Variants in OAS3 observed in about 807,000 individuals in gnomAD.
OAS3 encodes the protein 2'-5'-oligoadenylate synthase 3.
A neutral mutation model predicts 113.0 loss-of-function variants in OAS3; 107 were observed. The ratio of observed to expected loss-of-function variants is 0.95; its 90% CI spans 0.81 to 1.11. The LOEUF (loss-of-function observed/expected upper bound fraction) is 1.11. Ranked by LOEUF, OAS3 falls within the 50% of genes most tolerant of loss-of-function variation. OAS3 has a pLI of 0.00. For missense variants in OAS3, 1,258 were observed against 1,389.1 expected (o/e 0.91, Z 1.50); for synonymous variants, 552 against 573.6 (o/e 0.96, Z 0.54).
chr12:112,947,618 A>G (rs558326430), intron 4 of OAS3, among the ~76,000 whole-genome samples: 6 of 152,320 alleles, frequency 3.9e-5, no homozygotes, highest in Admixed American at 3.9e-4. Context: ...CATCATAAAC[A>G]TTCTTGGACA....
rs772263085 is a variant in OAS3 at position 112,946,931 on chromosome 12, C to G, written c.825C>G (p.Phe275Leu). ...TTTTCTGGACTGTCAACTATGGCTT[C>G]GAGGACCCTGCAGTTGGGCAGTTCT... ...LCVFWTVNYG[F>L]EDPAVGQFLQ... is the part of the protein sequence containing the mutation. The change falls in exon 4 of 16, where the codon TTC becomes TTG. Residue 275 changes from phenylalanine (F) to leucine (L), a missense_variant. Transcript: ENST00000228928. 7.4e-6 allele frequency: 12 copies of G among 1,614,018 alleles called. No homozygotes were observed. The South Asian group carries it at 8.8e-5, about 12-fold the overall frequency.
Position 112,961,128 on chromosome 12 carries a change from G to A in OAS3, c.1715G>A (p.Ser572Asn), listed in dbSNP as rs2043879877. The A allele has an allele frequency of 6.2e-7, 1 of 1,613,392 alleles. No homozygotes were observed. The highest frequency in any genetic ancestry group is 8.5e-7 in the Non-Finnish European group (1 of 1,179,886). The change falls in exon 8 of 16, where the codon AGT (serine) becomes AAT (asparagine). Residue 572 changes from serine to asparagine, a missense_variant. Coordinates refer to ENST00000228928, the MANE Select transcript of OAS3 (RefSeq NM_006187.4). ...NPQVYSRLLT[S>N]GCQEGEHKAC... is the part of the protein sequence containing the mutation. ...CAGGTCTACTCGAGGCTCCTCACCA[G>A]TGGCTGCCAGGAGGGCGAGCATAAG... is the stretch of plus-strand genomic sequence containing the variant.
At chr12:112,969,272 A>T in intron 14 of OAS3, 1 of 274,700 alleles carries the variant, frequency 3.6e-6, no homozygotes, top group Non-Finnish European at 7.1e-6. Context: ...AGCATTTTAG[A>T]TAAGAAATAC....
In OAS3 at chr12:112,948,996, C is replaced by A. The variant is rs546772919; in HGVS notation, c.1165C>A (p.Pro389Thr). ...GAGCAAACCTCCCTCATGCCCAGCT[C>A]CTGGCCCCACTGGGGCAGCCAGCAT... is the stretch of plus-strand genomic sequence containing the variant. Reference protein sequence around the residue: ...AGSKPPSCPAPGPTGAASIVP... With the variant: ...AGSKPPSCPATGPTGAASIVP... The change falls in exon 6 of 16, where the codon CCT (proline) becomes ACT (threonine). Residue 389 changes from proline to threonine, a missense_variant. By Grantham distance (38) the Pro-to-Thr change is conservative. Transcript: ENST00000228928. The A allele has an allele frequency of 2.6e-4, 425 of 1,614,028 alleles. 5 individuals are homozygous for A. In the South Asian group the frequency reaches 4.4e-3, roughly 17 times the overall value.
chr12:112,964,171 G>T, intron 10 of OAS3, 64 bp from the exon 11 acceptor site: 1 of 1,493,016 alleles, frequency 6.7e-7, no homozygotes, highest in Non-Finnish European at 9.1e-7. Context: ...ACATCAAGGG[G>T]CAGGGCTTGG....
intron 7 of OAS3, among the ~76,000 whole-genome samples, chr12:112,956,870 G>A (rs531023674): frequency 4.5e-4 from 69 of 152,320 alleles, no homozygotes; most frequent in African/African-American, 1.6e-3. Flanking sequence ...GTGCAGAGCT[G>A]AGTTCAATTC....
Position 112,970,056 on chromosome 12 carries a change from A to G in OAS3, c.*83A>G, listed in dbSNP as rs541060669. On this transcript the variant is annotated 3_prime_UTR_variant, in exon 16 of 16. Transcript: ENST00000228928. ...ATGAGGAAATTCAGGGTCCCCTACC[A>G]GATGAGAGAGATTGTGTACATGTGT... is the stretch of plus-strand genomic sequence containing the variant. 2.0e-6 allele frequency: 3 copies of G among 1,464,614 alleles called. No individual in the cohort carries two copies. The highest frequency in any genetic ancestry group is 2.8e-5 in the African/African-American group (2 of 71,750). The allele number at this position is 1,464,614 out of a possible 1,614,324, so 90.7% of individuals were successfully genotyped here.
intron 8 of OAS3, among the ~76,000 whole-genome samples, chr12:112,961,572 C>T (rs1355090418): frequency 6.6e-6 from 1 of 152,064 alleles, no homozygotes; most frequent in Non-Finnish European, 1.5e-5. Context: ...TTACCCCCAC[C>T]ACATGTCTAT....
At chr12:112,944,713 G>A (rs959953575) in intron 3 of OAS3, 62 bp downstream of exon 3, 19 of 1,558,094 alleles carry the variant, frequency 1.2e-5, no homozygotes, top group African/African-American at 8.1e-5. Context: ...TTTCATAGTC[G>A]TGAAACTGTT....
intron 7 of OAS3, among the ~76,000 whole-genome samples, chr12:112,952,558 G>A (rs71465868): frequency 0.017 from 2,588 of 152,136 alleles, 40 homozygotes; most frequent in Non-Finnish European, 0.02. Context: ...TACAATCTAT[G>A]CAAATTAAAC....
rs1367663752 is a variant in OAS3, at chr12:112,962,844, T to C, written c.2026T>C (p.Tyr676His). The C allele has an allele frequency of 3.1e-6, 5 of 1,613,992 alleles. No homozygotes were observed. Among genetic ancestry groups the C allele is most frequent in the Non-Finnish European group, 4.2e-6 (5 of 1,179,878 alleles). Reference protein sequence around the residue: ...QQLCVYWTVNYSTEDPAMRMH... With the variant: ...QQLCVYWTVNHSTEDPAMRMH... Reference sequence around the variant, plus strand: ...GCTCTGTGTCTACTGGACGGTCAACTATAGCACTGAGGACCCAGCCATGAG... The same window carrying C: ...GCTCTGTGTCTACTGGACGGTCAACCATAGCACTGAGGACCCAGCCATGAG... The change falls in exon 9 of 16, where the codon TAT (tyrosine) becomes CAT (histidine). Residue 676 changes from tyrosine (Y) to histidine (H), a missense_variant. Transcript: ENST00000228928.
At position 112,956,468 on chromosome 12, in the gene OAS3, T is replaced by C. The variant is rs2043837219; in HGVS notation, c.1658-4603T>C. Among the ~76,000 whole-genome samples the C allele has an allele frequency of 1.3e-5, 2 of 152,210 alleles. 1 individual carries two copies. Among genetic ancestry groups the C allele is most frequent in the South Asian group, 4.1e-4 (2 of 4,824 alleles). On this transcript the variant is annotated intron_variant, in intron 7 of 15. Coordinates refer to ENST00000228928, the MANE Select transcript of OAS3 (RefSeq NM_006187.4). ...AGATCTTTCTTGCTTTCTCCTGTGG[T>C]CATTTAATGCTATAAATTTCCCTCT...
Position 112,938,644 on chromosome 12 carries a change from TGCC to T in OAS3, c.115_117del (p.Ala39del). ...GGCGCGCTCTGGGCGCCCTGGCCGCTGCCCTGAGGGAGCGCGGGGGCCGCCTCG... is the reference window on the plus strand; with the variant it reads ...GGCGCGCTCTGGGCGCCCTGGCCGCTCTGAGGGAGCGCGGGGGCCGCCTCG... On this transcript the variant is annotated inframe_deletion, in exon 1 of 16. Transcript: ENST00000228928. 6.2e-7 allele frequency: 1 copy of T among 1,604,336 alleles called. No individual in the cohort carries two copies. The highest frequency in any genetic ancestry group is 8.5e-7 in the Non-Finnish European group (1 of 1,176,420).
intron 2 of OAS3, chr12:112,942,192 G>A: frequency 2.0e-6 from 1 of 506,420 alleles, no homozygotes; most frequent in Non-Finnish European, 3.5e-6. Context: ...TAGCAGTAGG[G>A]GCCTGGGGAC....
In OAS3 at chr12:112,970,022, G is replaced by A; in HGVS notation, c.*49G>A. On this transcript the variant is annotated 3_prime_UTR_variant, in exon 16 of 16. Transcript: ENST00000228928. ...CTGGATGAAGAGAAGATGGACACCA[G>A]CCCTCAGCATGAGGAAATTCAGGGT... is the stretch of plus-strand genomic sequence containing the variant. 1 of 1,596,194 alleles carries A rather than the reference G, an allele frequency of 6.3e-7. No homozygotes were observed. Among genetic ancestry groups the A allele is most frequent in the South Asian group, 1.1e-5 (1 of 87,914 alleles).
chr12:112,938,630 G>A lies in OAS3; in HGVS notation c.100G>A (p.Gly34Ser). The A allele has an allele frequency of 1.2e-6, 2 of 1,607,418 alleles. No individual in the cohort carries two copies. The highest frequency in any genetic ancestry group is 8.5e-7 in the Non-Finnish European group (1 of 1,177,884). The change falls in exon 1 of 16, where the codon GGC becomes AGC. Residue 34 changes from glycine (G) to serine (S), a missense_variant. Transcript: ENST00000228928. ...EFVEKARRAL[G>S]ALAAALRERG... Reference sequence around the variant, plus strand: ...CGTAGAGAAGGCGCGGCGCGCTCTGGGCGCCCTGGCCGCTGCCCTGAGGGA... The same window carrying A: ...CGTAGAGAAGGCGCGGCGCGCTCTGAGCGCCCTGGCCGCTGCCCTGAGGGA...
intron 7 of OAS3, among the ~76,000 whole-genome samples, chr12:112,956,135 T>C (rs1480080778): frequency 6.6e-6 from 1 of 152,236 alleles, no homozygotes; most frequent in African/African-American, 2.4e-5. Flanking sequence ...GAGGTGTTTA[T>C]AGTATTCTCT....
chr12:112,968,080 C>G lies in OAS3; in HGVS notation c.3010C>G (p.Gln1004Glu). 6.2e-7 allele frequency: 1 copy of G among 1,613,992 alleles called. No individual in the cohort carries two copies. Among genetic ancestry groups the G allele is most frequent in the Non-Finnish European group, 8.5e-7 (1 of 1,179,890 alleles). Residue 1004 changes from glutamine to glutamate, a missense_variant, in exon 14 of 16, where the codon CAG (glutamine) becomes GAG (glutamate). Coordinates refer to ENST00000228928, the MANE Select transcript of OAS3 (RefSeq NM_006187.4). The stretch of plus-strand genomic sequence containing the variant: ...CCGCACGGTCCTGGAGCTGGTCACC[C>G]AGTACCGCCAGCTCTGTATCTACTG... Reference protein sequence around the residue: ...GFRTVLELVTQYRQLCIYWTI... With the variant: ...GFRTVLELVTEYRQLCIYWTI...
At chr12:112,944,387 C>G in intron 2 of OAS3, 89 bp from the exon 3 acceptor site, 1 of 1,416,330 alleles carries the variant, frequency 7.1e-7, no homozygotes, top group Non-Finnish European at 9.9e-7. Context: ...CACTCTCTCT[C>G]AGCGCCCCAG....
Sources: allele counts gnomAD v4.1 joint callset (sites outside exome capture counted in the v4.1 genomes callset), GRCh38; gene constraint gnomAD v4.1.1; transcripts MANE v1.5; gene names NCBI Gene and HGNC (gene_info 2026-07-23, HGNC 2026-07-21).